The following LHFPL6 variants were observed in gnomAD, a reference collection of about 807,000 sequenced individuals.
LHFPL6 encodes LHFPL tetraspan subfamily member 6.
A neutral mutation model predicts 20.6 loss-of-function variants in LHFPL6; 9 were observed. That is an observed-to-expected ratio of 0.44 (90% CI 0.26 to 0.76). LHFPL6 has a LOEUF of 0.76. LHFPL6 is among the 30% of genes least tolerant of loss of function. LHFPL6 has a pLI of 0.20. For synonymous variants in LHFPL6, 105 were observed against 98.7 expected, an observed-to-expected ratio of 1.06 and a Z score of -0.38; for missense variants, 218 against 253.5, an observed-to-expected ratio of 0.86 and a Z score of 0.95.
chr13:39,583,349 A>G (rs1178040729), intron 2 of LHFPL6, among the ~76,000 whole-genome samples: 1 of 151,588 alleles, frequency 6.6e-6, no homozygotes, highest in Non-Finnish European at 1.5e-5. Context: ...ATTTTTATGT[A>G]TTTTTTGTAG....
chr13:39,505,660 T>C (rs1233822702), intron 2 of LHFPL6, among the ~76,000 whole-genome samples: 2 of 152,124 alleles, frequency 1.3e-5, no homozygotes, highest in Non-Finnish European at 2.9e-5. Flanking sequence ...AACAGTGAGG[T>C]AGCAAGTTCC....
At position 39,343,963 on chromosome 13, in the gene LHFPL6, G is replaced by C. The variant is rs771054532; in HGVS notation, c.576C>G (p.Gly192=). 4 of 1,613,640 alleles carry C rather than the reference G, an allele frequency of 2.5e-6. No individual in the cohort carries two copies. The highest frequency in any genetic ancestry group is 3.4e-6 in the Non-Finnish European group (4 of 1,179,894). Residue 192 remains glycine, a synonymous_variant, in exon 4 of 4, where the codon GGC becomes GGG. Transcript: ENST00000379589. ...AGTATGGGTAGTGCTTCTGTTTCTT[G>C]CCCGAAAAGCAAGCCAGCCACGTGC... ...LLCTWLACFS[G]KKQKHYPY
At chr13:39,377,244 C>T (rs986454839) in intron 3 of LHFPL6, among the ~76,000 whole-genome samples, 5 of 152,194 alleles carry the variant, frequency 3.3e-5, no homozygotes, top group African/African-American at 1.2e-4. Context: ...ACCTGCCTCT[C>T]CAAGTCTTCA....
At position 39,579,108 on chromosome 13, in the gene LHFPL6, T is replaced by C. The variant is rs145315566; in HGVS notation, c.385+21724A>G. ...TGTCCAGTAGTGCCTGGGGTAACAC[T>C]GTAGGAGGTCTTTATCTTACAGGGA... On this transcript the variant is annotated intron_variant, in intron 2 of 3. Coordinates refer to ENST00000379589, the MANE Select transcript of LHFPL6 (RefSeq NM_005780.3). 1.9e-3 allele frequency among the ~76,000 whole-genome samples: 295 copies of C among 152,230 alleles called. 3 individuals carry two copies. Among genetic ancestry groups the C allele is most frequent in the Middle Eastern group, 6.8e-3 (2 of 294 alleles).
At chr13:39,426,201 C>T (rs1871631300) in intron 2 of LHFPL6, among the ~76,000 whole-genome samples, 1 of 151,206 alleles carries the variant, frequency 6.6e-6, no homozygotes, top group Admixed American at 6.6e-5. Context: ...CTCTAATTTA[C>T]TTTCTTTTCT....
chr13:39,579,772 A>AT (rs545315356), intron 2 of LHFPL6, among the ~76,000 whole-genome samples: 131 of 152,322 alleles, frequency 8.6e-4, no homozygotes, highest in Middle Eastern at 3.4e-3. Context: ...GGCAAGTTTC[A>AT]TTTTGTGAAG....
chr13:39,372,516 C>CTCCT (rs1870189596), intron 3 of LHFPL6, among the ~76,000 whole-genome samples: 1 of 152,230 alleles, frequency 6.6e-6, no homozygotes. Context: ...TTCACACCTA[C>CTCCT]TCCTTGCTTC....
intron 2 of LHFPL6, among the ~76,000 whole-genome samples, chr13:39,596,156 A>G (rs1872765299): frequency 1.3e-5 from 2 of 152,160 alleles, no homozygotes; most frequent in African/African-American, 2.4e-5. Context: ...ATCTATATAT[A>G]ATATGCACTG....
At chr13:39,428,522 C>T (rs888720076) in intron 2 of LHFPL6, among the ~76,000 whole-genome samples, 4 of 152,104 alleles carry the variant, frequency 2.6e-5, no homozygotes, top group Non-Finnish European at 5.9e-5. Context: ...TCATTGTAAT[C>T]TATAGCATCT....
intron 2 of LHFPL6, among the ~76,000 whole-genome samples, chr13:39,596,554 T>C (rs1374756082): frequency 2.0e-5 from 3 of 152,072 alleles, no homozygotes; most frequent in Admixed American, 1.3e-4. Flanking sequence ...TAAAAACTGC[T>C]GGCTAAAAAC....
At chr13:39,523,099 C>G (rs945656363) in intron 2 of LHFPL6, among the ~76,000 whole-genome samples, 3 of 152,210 alleles carry the variant, frequency 2.0e-5, no homozygotes, top group Non-Finnish European at 2.9e-5. Context: ...ATTTACATAA[C>G]CACTTTGGGC....
intron 2 of LHFPL6, among the ~76,000 whole-genome samples, chr13:39,565,384 T>C (rs1053601175): frequency 6.6e-6 from 1 of 152,188 alleles, no homozygotes; most frequent in Non-Finnish European, 1.5e-5. Context: ...CATACGACAA[T>C]ACAGTTCTTA....
intron 3 of LHFPL6, among the ~76,000 whole-genome samples, chr13:39,375,670 A>G (rs1870274841): frequency 7.0e-6 from 1 of 143,638 alleles, no homozygotes; most frequent in Admixed American, 6.7e-5. Flanking sequence ...AGCCTAGGCG[A>G]GAGAGTGAGT....
intron 2 of LHFPL6, among the ~76,000 whole-genome samples, chr13:39,400,376 C>T (rs1351679725): frequency 5.3e-5 from 8 of 152,210 alleles, no homozygotes; most frequent in Non-Finnish European, 1.2e-4. Context: ...CCACATGTGG[C>T]TGGTGGCTTC....
intron 2 of LHFPL6, among the ~76,000 whole-genome samples, chr13:39,435,170 T>C (rs114272891): frequency 0.018 from 2,774 of 152,126 alleles, 82 homozygotes; most frequent in African/African-American, 0.063. Flanking sequence ...GATGGCTATC[T>C]TGAGATACAG....
At chr13:39,559,746 G>C (rs989184361) in intron 2 of LHFPL6, among the ~76,000 whole-genome samples, 1 of 152,172 alleles carries the variant, frequency 6.6e-6, no homozygotes. Context: ...ACTGCATGCT[G>C]TAGCACAGAG....
At chr13:39,473,348 A>G (rs1385942944) in intron 2 of LHFPL6, among the ~76,000 whole-genome samples, 1 of 150,432 alleles carries the variant, frequency 6.6e-6, no homozygotes, top group Non-Finnish European at 1.5e-5. Context: ...ACACAAACAC[A>G]CACACACAAA....
chr13:39,400,193 T>C (rs1243766052), intron 2 of LHFPL6, among the ~76,000 whole-genome samples: 1 of 152,242 alleles, frequency 6.6e-6, no homozygotes, highest in Non-Finnish European at 1.5e-5. Flanking sequence ...AAATTTAAAA[T>C]GAAGGGTGGC....
chr13:39,397,552 C>A (rs544878373), intron 2 of LHFPL6, among the ~76,000 whole-genome samples: 7 of 152,312 alleles, frequency 4.6e-5, no homozygotes, highest in African/African-American at 1.7e-4. Flanking sequence ...GTAAGTCATC[C>A]GTGACGAAGG....
Sources: allele counts gnomAD v4.1 joint callset (sites outside exome capture counted in the v4.1 genomes callset), GRCh38; gene constraint gnomAD v4.1.1; transcripts MANE v1.5; gene names NCBI Gene and HGNC (gene_info 2026-07-23, HGNC 2026-07-21).